The following IL7R variants were observed in gnomAD, a reference collection of about 807,000 sequenced individuals.
IL7R encodes the protein interleukin 7 receptor.
IL7R carries 38 observed loss-of-function variants against 47.0 expected under a neutral mutation model. The ratio of observed to expected loss-of-function variants is 0.81; its 90% CI spans 0.62 to 1.06. The LOEUF (loss-of-function observed/expected upper bound fraction) is 1.06, where lower values mean the gene tolerates loss of function less well. Ranked by LOEUF, IL7R falls within the 50% of genes least tolerant of loss-of-function variation. The probability of loss-of-function intolerance (pLI) is 0.00; values close to 1 mark genes in which losing one functional copy is unlikely to be tolerated. For synonymous variants in IL7R, 221 were observed against 199.8 expected, an observed-to-expected ratio of 1.11 and a Z score of -0.89; for missense variants, 633 against 534.8, an observed-to-expected ratio of 1.18 and a Z score of -1.81.
At position 35,867,241 on chromosome 5, in the gene IL7R, T is replaced by C. The variant is rs73750058; in HGVS notation, c.222-65T>C. The C allele has an allele frequency of 1.6e-3, 2,209 of 1,403,004 alleles. 19 individuals carry two copies. The African/African-American group carries it at 0.028, about 18-fold the overall frequency. The allele number at this position is 1,403,004 out of a possible 1,614,324, so 86.9% of individuals were successfully genotyped here. On this transcript the variant is annotated intron_variant, in intron 2 of 7. Coordinates refer to ENST00000303115, the MANE Select transcript of IL7R (RefSeq NM_002185.5). Reference sequence around the variant, plus strand: ...CAAACATACATCAATGTGCATATGATACTATTCCACTGCATACAGGAACTC... The same window carrying C: ...CAAACATACATCAATGTGCATATGACACTATTCCACTGCATACAGGAACTC...
At position 35,877,173 on chromosome 5, in the gene IL7R, A is replaced by T. The variant is rs1760240482; in HGVS notation, c.*687A>T. On this transcript the variant is annotated 3_prime_UTR_variant, in exon 8 of 8. Coordinates refer to ENST00000303115, the MANE Select transcript of IL7R (RefSeq NM_002185.5). The stretch of plus-strand genomic sequence containing the variant: ...GTGTGCCTAGATAATTTATGATCCA[A>T]ACTGAGTCAGTTTGGAAAGTGAAAG... The T allele has an allele frequency of 4.3e-6, 1 of 233,290 alleles. No homozygotes were observed. The highest frequency in any genetic ancestry group is 8.5e-6 in the Non-Finnish European group (1 of 118,178). 14.5% of individuals were successfully genotyped at this position (233,290 alleles called of 1,614,324 possible).
chr5:35,875,415 T>G, intron 6 of IL7R, 97 bp from the exon 7 acceptor site: 1 of 883,800 alleles, frequency 1.1e-6, no homozygotes, highest in Non-Finnish European at 1.9e-6. Flanking sequence ...AGACTAGAAA[T>G]CTGTTCTTCT....
In IL7R at chr5:35,875,976, T is replaced by A. The variant is rs1340092612; in HGVS notation, c.877-7T>A. On this transcript the variant is annotated splice_polypyrimidine_tract_variant and splice_region_variant and intron_variant, in intron 7 of 7. Transcript: ENST00000303115. The stretch of plus-strand genomic sequence containing the variant: ...ATCTTAATACCCTTTCTCCTTTTTC[T>A]GTGCAGAATTTAAATGTGAGTTTCA... The A allele has an allele frequency of 1.2e-6, 2 of 1,610,522 alleles. No homozygotes were observed. The highest frequency in any genetic ancestry group is 1.7e-6 in the Non-Finnish European group (2 of 1,179,934).
At chr5:35,865,576 A>G (rs1759919572) in intron 2 of IL7R, among the ~76,000 whole-genome samples, 1 of 152,172 alleles carries the variant, frequency 6.6e-6, no homozygotes, top group African/African-American at 2.4e-5. Context: ...AGTCCCACCA[A>G]CAGTGTAAAA....
At position 35,870,796 on chromosome 5, in the gene IL7R, TG is replaced by T. The variant is rs1760052775; in HGVS notation, c.380-257del. Among the ~76,000 whole-genome samples, 5 of 152,286 alleles carry T rather than the reference TG, an allele frequency of 3.3e-5. No homozygotes were observed. In the South Asian group the frequency reaches 1.0e-3, roughly 32 times the overall value. On this transcript the variant is annotated intron_variant, in intron 3 of 7. Transcript: ENST00000303115. ...GAGGACGGAGCAGAGGAGTCACACA[TG>T]GGTGTGTGTCTGGCCCAGGGTGGAA...
Sources: gnomAD v4.1 joint callset for allele counts (sites outside exome capture counted in the v4.1 genomes callset) on GRCh38, gnomAD v4.1.1 for gene constraint, MANE v1.5 for transcripts, NCBI Gene and HGNC (gene_info 2026-07-23, HGNC 2026-07-21) for gene names.